LCORL: variants seen among roughly 807,000 people sequenced by gnomAD.
LCORL encodes ligand dependent nuclear receptor corepressor like.
Under a neutral mutation model 141.8 loss-of-function variants are expected in LCORL, and 41 were observed. The observed-to-expected ratio is 0.29, with a 90% CI of 0.23 to 0.38. The LOEUF (loss-of-function observed/expected upper bound fraction) is 0.38, where lower values mean the gene tolerates loss of function less well. Ranked by LOEUF, LCORL falls within the 10% of genes least tolerant of loss-of-function variation. The pLI is 1.00. For missense variants in LCORL, 1,759 were observed against 2,035.0 expected, an observed-to-expected ratio of 0.86 and a Z score of 2.61; for synonymous variants, 618 against 694.1, an observed-to-expected ratio of 0.89 and a Z score of 1.72.
intron 5 of LCORL, among the ~76,000 whole-genome samples, chr4:17,904,656 C>A (rs1320753649): frequency 1.3e-5 from 2 of 152,074 alleles, no homozygotes; most frequent in East Asian, 3.8e-4. Context: ...CAGTATCTTT[C>A]CCCGTGATTT....
intron 1 of LCORL, among the ~76,000 whole-genome samples, chr4:17,982,406 G>GT (rs1718177555): frequency 2.0e-5 from 3 of 152,244 alleles, no homozygotes; most frequent in Non-Finnish European, 2.9e-5. Flanking sequence ...CCAACAGTGT[G>GT]TAAGTGTTCC....
intron 2 of LCORL, among the ~76,000 whole-genome samples, chr4:17,966,844 G>A (rs552419103): frequency 2.0e-5 from 3 of 152,220 alleles, no homozygotes; most frequent in East Asian, 3.9e-4. Flanking sequence ...GTGGGAATGC[G>A]AAATGGTACA....
chr4:17,863,329 A>G (rs1725233121), intron 7 of LCORL, among the ~76,000 whole-genome samples: 1 of 152,200 alleles, frequency 6.6e-6, no homozygotes, highest in African/African-American at 2.4e-5. Context: ...AAAACAAAAT[A>G]TGTGAGCAAA....
rs114352822 is a variant in LCORL, at chr4:17,903,235, A to G, written c.682+5859T>C. On this transcript the variant is annotated intron_variant, in intron 5 of 7. Coordinates refer to ENST00000635767, the Ensembl canonical transcript of LCORL. The stretch of plus-strand genomic sequence containing the variant: ...AAGTTTCCTGCTCCCAAAGGCAGAT[A>G]AACATGCAAACAATTACAATGCATT... Among the ~76,000 whole-genome samples, 999 of 152,212 alleles carry G rather than the reference A, an allele frequency of 6.6e-3. 15 individuals are homozygous for G. Among genetic ancestry groups the G allele is most frequent in the African/African-American group, 0.023 (961 of 41,560 alleles).
At chr4:17,965,362 T>C (rs1459404345) in intron 2 of LCORL, among the ~76,000 whole-genome samples, 2 of 152,100 alleles carry the variant, frequency 1.3e-5, no homozygotes, top group African/African-American at 4.8e-5. Context: ...CAGGTTATCT[T>C]TCATGTCATT....
chr4:17,912,015 G>C (rs1267828932), intron 4 of LCORL: 2 of 651,348 alleles, frequency 3.1e-6, no homozygotes, highest in Non-Finnish European at 5.8e-6. Context: ...CCAAGAACTA[G>C]AAGTTAGAGA....
chr4:17,879,402 T>G, intron 6 of LCORL, among the ~76,000 whole-genome samples: 1 of 150,988 alleles, frequency 6.6e-6, no homozygotes, highest in East Asian at 1.9e-4. Context: ...TTTACTAGAT[T>G]CATCCAATGT....
chr4:17,904,650 A>G (rs1306513681), intron 5 of LCORL, among the ~76,000 whole-genome samples: 1 of 152,116 alleles, frequency 6.6e-6, no homozygotes, highest in Non-Finnish European at 1.5e-5. Context: ...TGAATACAGT[A>G]TCTTTCCCCG....
chr4:17,855,517 A>G (rs1724257134), intron 7 of LCORL, among the ~76,000 whole-genome samples: 1 of 152,180 alleles, frequency 6.6e-6, no homozygotes, highest in Admixed American at 6.5e-5. Flanking sequence ...TCAATATCAA[A>G]TTGATTGCAT....
intron 1 of LCORL, among the ~76,000 whole-genome samples, chr4:17,988,921 T>C (rs909842748): frequency 3.3e-5 from 5 of 152,112 alleles, no homozygotes; most frequent in African/African-American, 9.7e-5. Context: ...GAGGCAGAGA[T>C]TGCGGTGAGC....
chr4:17,971,432 G>T (rs946920519), intron 2 of LCORL, among the ~76,000 whole-genome samples: 4 of 150,746 alleles, frequency 2.7e-5, no homozygotes, highest in African/African-American at 9.7e-5. Flanking sequence ...ATATTAAATA[G>T]CCCCTTTTTA....
intron 4 of LCORL, among the ~76,000 whole-genome samples, chr4:17,941,372 T>C (rs1026975659): frequency 1.1e-4 from 17 of 151,888 alleles, no homozygotes; most frequent in Non-Finnish European, 4.4e-5. Context: ...GGCAGGAGAA[T>C]GGTGTGAACT....
chr4:17,903,364 G>C (rs983242564), intron 5 of LCORL, among the ~76,000 whole-genome samples: 13 of 151,994 alleles, frequency 8.6e-5, no homozygotes, highest in Non-Finnish European at 1.8e-4. Flanking sequence ...TGCCCAATCT[G>C]ATCTTGTTCT....
intron 5 of LCORL, among the ~76,000 whole-genome samples, chr4:17,900,881 G>A (rs1730751888): frequency 6.6e-6 from 1 of 152,044 alleles, no homozygotes; most frequent in Admixed American, 6.6e-5. Context: ...GCTGAAAAAT[G>A]TCCACAATTG....
At chr4:17,881,850 T>A (rs1046811001) in intron 6 of LCORL, 1 of 983,874 alleles carries the variant, frequency 1.0e-6, no homozygotes, top group Non-Finnish European at 1.2e-6. Context: ...TTGCTTTCCA[T>A]TGGGGGAAGG....
rs181543323 is a variant in LCORL at position 17,907,310 on chromosome 4, T to C, written c.682+1784A>G. Among the ~76,000 whole-genome samples, 438 of 152,322 alleles carry C rather than the reference T, an allele frequency of 2.9e-3. 7 individuals carry two copies. Among genetic ancestry groups the C allele is most frequent in the Admixed American group, 0.025 (383 of 15,300 alleles). ...GTAGTATTTGAGAATCTTTCATGAG[T>C]TTGTTACTAAATATTTAATTCTCAC... On this transcript the variant is annotated intron_variant, in intron 5 of 7. Coordinates refer to ENST00000635767, the Ensembl canonical transcript of LCORL.
chr4:17,877,564 G>A (rs536191362), exon 7 of LCORL: 2 of 1,230,374 alleles, frequency 1.6e-6, no homozygotes, highest in Admixed American at 4.2e-5. Context: ...AGAGATGGAG[G>A]CTGGTTAATG....
At chr4:17,857,183 C>T (rs1724455407) in intron 7 of LCORL, among the ~76,000 whole-genome samples, 1 of 151,796 alleles carries the variant, frequency 6.6e-6, no homozygotes. Flanking sequence ...GGAAATATTC[C>T]TGAGTTGGGG....
intron 4 of LCORL, among the ~76,000 whole-genome samples, chr4:17,955,758 C>A (rs1023180538): frequency 9.9e-5 from 15 of 152,144 alleles, no homozygotes; most frequent in African/African-American, 3.6e-4. Flanking sequence ...AATTAAAACA[C>A]AGATAAGATT....
Sources: allele counts gnomAD v4.1 joint callset (sites outside exome capture counted in the v4.1 genomes callset), GRCh38; gene constraint gnomAD v4.1.1; transcripts MANE v1.5; gene names NCBI Gene and HGNC (gene_info 2026-07-23, HGNC 2026-07-21).